The following SLC35F3 variants were observed in gnomAD, a reference collection of about 807,000 sequenced individuals.
SLC35F3 encodes the protein solute carrier family 35 member F3, also known as putative thiamine transporter SLC35F3.
In SLC35F3, 25 loss-of-function variants were observed where a neutral mutation model predicts 49.9. That is an observed-to-expected ratio of 0.50 (90% CI 0.37 to 0.70). The LOEUF is 0.70. Ranked by LOEUF, SLC35F3 falls within the 30% of genes least tolerant of loss-of-function variation. The pLI is 0.00. For missense variants in SLC35F3, 525 were observed against 639.8 expected (o/e 0.82, Z 1.94); for synonymous variants, 275 against 265.4 (o/e 1.04, Z -0.35).
At chr1:233,967,223 C>T (rs12024455) in intron 2 of SLC35F3, among the ~76,000 whole-genome samples, 7,191 of 152,036 alleles carry the variant, frequency 0.047, 262 homozygotes, top group East Asian at 0.17. Flanking sequence ...CTATCATAGA[C>T]GCATTTCAAT....
intron 3 of SLC35F3, among the ~76,000 whole-genome samples, chr1:234,240,785 G>A (rs1430436037): frequency 6.6e-6 from 1 of 152,180 alleles, no homozygotes. Context: ...CCAGGTAGCT[G>A]ATTTGGAGCC....
chr1:234,293,546 A>T (rs1668541616), intron 3 of SLC35F3, among the ~76,000 whole-genome samples: 1 of 152,250 alleles, frequency 6.6e-6, no homozygotes, highest in African/African-American at 2.4e-5. Flanking sequence ...AATCTAAATT[A>T]TATTTACAAG....
intron 2 of SLC35F3, among the ~76,000 whole-genome samples, chr1:234,111,777 G>A (rs1346008169): frequency 6.6e-6 from 1 of 152,206 alleles, no homozygotes; most frequent in Non-Finnish European, 1.5e-5. Flanking sequence ...CTCAGGCCTG[G>A]AGAAAGCTGA....
intron 2 of SLC35F3, among the ~76,000 whole-genome samples, chr1:234,124,562 T>C (rs1056766805): frequency 2.6e-5 from 4 of 152,146 alleles, no homozygotes; most frequent in African/African-American, 9.7e-5. Context: ...AGGGAAAGAA[T>C]GAAGCTAAAG....
At chr1:234,060,977 ATTAC>A (rs948628237) in intron 2 of SLC35F3, among the ~76,000 whole-genome samples, 28 of 152,306 alleles carry the variant, frequency 1.8e-4, no homozygotes, top group Non-Finnish European at 2.9e-4. Context: ...TGCTTTTTAC[ATTAC>A]TTACGAGAAT....
intron 2 of SLC35F3, among the ~76,000 whole-genome samples, chr1:234,219,298 GC>G (rs1044921470): frequency 6.6e-6 from 1 of 152,120 alleles, no homozygotes; most frequent in Non-Finnish European, 1.5e-5. Flanking sequence ...CAGGATGCTG[GC>G]CCAGTCCAAG....
chr1:234,250,893 G>A (rs982041981), intron 3 of SLC35F3, among the ~76,000 whole-genome samples: 3 of 152,110 alleles, frequency 2.0e-5, no homozygotes, highest in African/African-American at 7.2e-5. Context: ...TGCAAAGACT[G>A]CACCAAGCCA....
In SLC35F3 at chr1:234,241,146, G is replaced by T. The variant is rs897503982; in HGVS notation, c.608+9405G>T. Among the ~76,000 whole-genome samples, 15 of 152,118 alleles carry T rather than the reference G, an allele frequency of 9.9e-5. No individual in the cohort carries two copies. The South Asian group carries it at 3.1e-3, about 32-fold the overall frequency. On this transcript the variant is annotated intron_variant, in intron 3 of 7. Coordinates refer to ENST00000366618, the MANE Select transcript of SLC35F3 (RefSeq NM_173508.4). ...TGCTGGCACCCCTTTTGCCTTTATT[G>T]TATACAAATCCTAGCTAAATTGGAA... is the stretch of plus-strand genomic sequence containing the variant.
intron 2 of SLC35F3, among the ~76,000 whole-genome samples, chr1:234,096,506 T>C (rs1177014277): frequency 6.6e-6 from 1 of 152,208 alleles, no homozygotes; most frequent in East Asian, 1.9e-4. Flanking sequence ...ATGTAGTCCA[T>C]CTCTATCTTG....
intron 3 of SLC35F3, among the ~76,000 whole-genome samples, chr1:234,296,813 T>C (rs961558186): frequency 2.0e-5 from 3 of 152,242 alleles, no homozygotes; most frequent in Non-Finnish European, 4.4e-5. Context: ...ATGCAGTCTG[T>C]GCTTCTCCAC....
intron 2 of SLC35F3, among the ~76,000 whole-genome samples, chr1:234,153,477 G>A (rs951389245): frequency 7.2e-5 from 11 of 152,102 alleles, no homozygotes; most frequent in Admixed American, 6.5e-4. Context: ...ACAAATGGGG[G>A]AAGAACAAGG....
intron 2 of SLC35F3, among the ~76,000 whole-genome samples, chr1:233,968,441 A>G (rs541600123): frequency 2.0e-5 from 3 of 151,908 alleles, no homozygotes; most frequent in Non-Finnish European, 4.4e-5. Flanking sequence ...TTGGTATACA[A>G]ATGTGAGCAT....
intron 3 of SLC35F3, among the ~76,000 whole-genome samples, chr1:234,254,583 G>A (rs1016303208): frequency 1.3e-5 from 2 of 152,144 alleles, no homozygotes; most frequent in African/African-American, 4.8e-5. Flanking sequence ...CAAGTCTTTA[G>A]GCCCAAGTTA....
At chr1:233,963,501 C>T (rs1662841209) in intron 2 of SLC35F3, among the ~76,000 whole-genome samples, 1 of 152,022 alleles carries the variant, frequency 6.6e-6, no homozygotes. Flanking sequence ...TGGGGTTTCA[C>T]CATGTTAGCC....
intron 3 of SLC35F3, among the ~76,000 whole-genome samples, chr1:234,264,238 G>GT (rs1667947813): frequency 6.6e-6 from 1 of 152,218 alleles, no homozygotes; most frequent in Admixed American, 6.5e-5. Flanking sequence ...AACCCACCAG[G>GT]TGTGCACAAG....
chr1:234,032,242 A>T (rs1425128630), intron 2 of SLC35F3, among the ~76,000 whole-genome samples: 2 of 152,108 alleles, frequency 1.3e-5, no homozygotes, highest in African/African-American at 2.4e-5. Context: ...ATTATTTTTA[A>T]ATATACTCAT....
At chr1:234,244,399 A>T (rs1558271641) in intron 3 of SLC35F3, among the ~76,000 whole-genome samples, 2 of 152,092 alleles carry the variant, frequency 1.3e-5, no homozygotes, top group African/African-American at 2.4e-5. Flanking sequence ...GAAACTATCC[A>T]TGGGCAGTGG....
intron 2 of SLC35F3, among the ~76,000 whole-genome samples, chr1:234,011,571 A>G (rs2102837791): frequency 6.6e-6 from 1 of 152,184 alleles, no homozygotes; most frequent in Non-Finnish European, 1.5e-5. Flanking sequence ...ACACACCCAG[A>G]CTCACTCACA....
In SLC35F3 at chr1:234,323,903, G is replaced by C. The variant is rs1657693710; in HGVS notation, c.*660G>C. On this transcript the variant is annotated 3_prime_UTR_variant, in exon 8 of 8. Coordinates refer to ENST00000366618, the MANE Select transcript of SLC35F3 (RefSeq NM_173508.4). The surrounding 1 kb of genome is among the most constrained non-coding windows in gnomAD (Gnocchi z 4.5). ...CACGTGTCTGTGTAAGATCATGCAA[G>C]AGAAATCACAGTGCCTTCTACAGAA... The C allele has an allele frequency of 6.6e-6, 1 of 152,394 alleles. No homozygotes were observed. Among genetic ancestry groups the C allele is most frequent in the Non-Finnish European group, 1.5e-5 (1 of 68,188 alleles). The allele number at this position is 152,394 out of a possible 1,614,324, so 9.4% of individuals were successfully genotyped here.
Sources: gnomAD v4.1 joint callset for allele counts (sites outside exome capture counted in the v4.1 genomes callset) on GRCh38, gnomAD v4.1.1 for gene constraint, Gnocchi (gnomAD v3.1) non-coding constraint, MANE v1.5 for transcripts, NCBI Gene and HGNC (gene_info 2026-07-23, HGNC 2026-07-21) for gene names.